Variants in PI4K2B observed in about 807,000 individuals in gnomAD.
PI4K2B encodes phosphatidylinositol 4-kinase type 2 beta.
Under a neutral mutation model 56.6 loss-of-function variants are expected in PI4K2B, and 46 were observed. That is an observed-to-expected ratio of 0.81 (90% confidence interval 0.64 to 1.04). The LOEUF (loss-of-function observed/expected upper bound fraction) is 1.04. PI4K2B is among the 50% of genes least tolerant of loss of function. The probability of loss-of-function intolerance (pLI) is 0.00; values close to 1 mark genes in which losing one functional copy is unlikely to be tolerated. For synonymous variants in PI4K2B, 211 were observed against 223.8 expected (o/e 0.94, Z 0.51); for missense variants, 556 against 607.7 (o/e 0.91, Z 0.89).
intron 1 of PI4K2B, among the ~76,000 whole-genome samples, chr4:25,237,959 G>A (rs185017746): frequency 1.1e-3 from 163 of 152,328 alleles, no homozygotes; most frequent in African/African-American, 3.2e-3. Flanking sequence ...AATCAGGAGC[G>A]CTTAGCTCCT....
chr4:25,278,137 TATTATA>T lies in PI4K2B; in HGVS notation c.*955_*960del, dbSNP rs1717170894. On this transcript the variant is annotated 3_prime_UTR_variant, in exon 10 of 10. Coordinates refer to ENST00000264864, the MANE Select transcript of PI4K2B (RefSeq NM_018323.4). ...CTATTGTACTTGAAATTACAGATGT[TATTATA>T]ATTACAGTCAAATGTAGACTATCAG... The T allele has an allele frequency of 6.6e-6, 1 of 152,214 alleles. No homozygotes were observed. Among genetic ancestry groups the T allele is most frequent in the Non-Finnish European group, 1.5e-5 (1 of 68,014 alleles). The allele number at this position is 152,214 out of a possible 1,614,324, so 9.4% of individuals were successfully genotyped here. A position where few individuals can be genotyped will look rare whatever the true frequency, so the allele number is the denominator to read the frequency against.
chr4:25,238,426 G>T (rs1295732913), intron 1 of PI4K2B, among the ~76,000 whole-genome samples: 3 of 152,172 alleles, frequency 2.0e-5, no homozygotes, highest in Admixed American at 2.0e-4. Context: ...TTAACTACTG[G>T]TGCTATTGTG....
At chr4:25,263,721 T>A (rs1716562696) in intron 6 of PI4K2B, 29 bp from the exon 7 acceptor site, 1 of 813,274 alleles carries the variant, frequency 1.2e-6, no homozygotes, top group Non-Finnish European at 2.1e-6. Context: ...TAGGTTCTTT[T>A]ATCAACATAT....
At position 25,269,140 on chromosome 4, in the gene PI4K2B, A is replaced by G; in HGVS notation, c.1213-4A>G. 1.3e-6 allele frequency: 2 copies of G among 1,543,872 alleles called. No individual in the cohort carries two copies. Among genetic ancestry groups the G allele is most frequent in the Non-Finnish European group, 1.8e-6 (2 of 1,118,098 alleles). ...GGGAATTGTTTTTTTCCTTTCTATA[A>G]TAGACTGACAAAGGATTTGACAAAG... On this transcript the variant is annotated splice_polypyrimidine_tract_variant and splice_region_variant and intron_variant, in intron 8 of 9. Coordinates refer to ENST00000264864, the MANE Select transcript of PI4K2B (RefSeq NM_018323.4).
In PI4K2B at chr4:25,234,265, C is replaced by G; in HGVS notation, c.102C>G (p.Ala34=). 7.0e-7 allele frequency: 1 copy of G among 1,425,482 alleles called. No individual in the cohort carries two copies. The highest frequency in any genetic ancestry group is 9.2e-7 in the Non-Finnish European group (1 of 1,086,390). 88.3% of individuals were successfully genotyped at this position (1,425,482 alleles called of 1,614,324 possible). Residue 34 remains alanine, a synonymous_variant, in exon 1 of 10, where the codon GCC becomes GCG. Coordinates refer to ENST00000264864, the MANE Select transcript of PI4K2B (RefSeq NM_018323.4). The part of the protein sequence containing the change: ...GEREPLLPRI[A]WAHPRRGAPG... ...GGGAGCCGCTGCTACCGCGGATCGC[C>G]TGGGCCCACCCGCGGAGAGGCGCCC...
At chr4:25,265,093 G>A (rs969476546) in intron 7 of PI4K2B, among the ~76,000 whole-genome samples, 1 of 149,150 alleles carries the variant, frequency 6.7e-6, no homozygotes, top group African/African-American at 2.5e-5. Flanking sequence ...TACTCGGGAG[G>A]CCGAGGCAGG....
rs974423725 is a variant in PI4K2B at position 25,256,723 on chromosome 4, TC to T, written c.756+51del. 2.6e-6 allele frequency: 4 copies of T among 1,557,290 alleles called. No individual in the cohort carries two copies. The African/African-American group carries it at 5.5e-5, about 21-fold the overall frequency. ...TTTAGAGGGCATTTGGGCACATACATCCTGAGCTCTAGGAGCCAGGCATTGT... is the reference window on the plus strand; with the variant it reads ...TTTAGAGGGCATTTGGGCACATACATCTGAGCTCTAGGAGCCAGGCATTGT... On this transcript the variant is annotated intron_variant, in intron 4 of 9. Coordinates refer to ENST00000264864, the MANE Select transcript of PI4K2B (RefSeq NM_018323.4).
chr4:25,247,755 G>GT (rs1715853452), intron 1 of PI4K2B, among the ~76,000 whole-genome samples: 1 of 152,112 alleles, frequency 6.6e-6, no homozygotes, highest in Non-Finnish European at 1.5e-5. Context: ...CTCAGGCTGA[G>GT]TGCAGTGGCA....
chr4:25,251,241 G>C (rs554034846), intron 1 of PI4K2B, among the ~76,000 whole-genome samples: 1 of 152,134 alleles, frequency 6.6e-6, no homozygotes, highest in African/African-American at 2.4e-5. Context: ...GCTGGTCGTA[G>C]TATTTTGTGA....
rs750994651 is a variant in PI4K2B, at chr4:25,263,758, A to G, written c.987A>G (p.Lys329=). ...CEKEIDHKES[K]WIDDEEFLIK... is the part of the protein sequence containing the mutation. ...ATTTTTCTACTCTATAGGAATCAAA[A>G]TGGATTGATGATGAAGAATTCCTTA... is the stretch of plus-strand genomic sequence containing the variant. Residue 329 remains lysine (K), a synonymous_variant, in exon 7 of 10, where the codon AAA becomes AAG. Coordinates refer to ENST00000264864, the MANE Select transcript of PI4K2B (RefSeq NM_018323.4). The G allele has an allele frequency of 4.4e-6, 6 of 1,357,302 alleles. No individual in the cohort carries two copies. The African/African-American group carries it at 8.6e-5, about 19-fold the overall frequency. 84.1% of individuals were successfully genotyped at this position (1,357,302 alleles called of 1,614,324 possible). A position where few individuals can be genotyped will look rare whatever the true frequency, so the allele number is the denominator to read the frequency against.
At chr4:25,267,791 G>C (rs959975828) in intron 7 of PI4K2B, 1 of 977,712 alleles carries the variant, frequency 1.0e-6, no homozygotes, top group Admixed American at 6.2e-5. Context: ...TTAGAGTCAT[G>C]GATCTTTTGT....
chr4:25,271,070 C>T (rs568667702), intron 9 of PI4K2B, among the ~76,000 whole-genome samples: 7 of 152,248 alleles, frequency 4.6e-5, no homozygotes, highest in East Asian at 1.9e-4. Context: ...GGCCAGGGCT[C>T]GGTGAAAAGG....
At chr4:25,274,229 T>G (rs1717018310) in intron 9 of PI4K2B, among the ~76,000 whole-genome samples, 1 of 152,166 alleles carries the variant, frequency 6.6e-6, no homozygotes, top group African/African-American at 2.4e-5. Context: ...CACGGAAATT[T>G]AAAGACCAGC....
At chr4:25,254,301 T>C (rs1716173081) in intron 2 of PI4K2B, 1 of 371,416 alleles carries the variant, frequency 2.7e-6, no homozygotes, top group African/African-American at 2.2e-5. Flanking sequence ...TGTACATTAA[T>C]GTGGGGAAAG....
intron 1 of PI4K2B, among the ~76,000 whole-genome samples, chr4:25,243,356 C>G (rs186024881): frequency 6.1e-4 from 93 of 152,340 alleles, no homozygotes; most frequent in African/African-American, 2.2e-3. Flanking sequence ...ATTGGACAAT[C>G]TTTTTTAAAG....
chr4:25,255,015 TTATC>T (rs755885048), intron 2 of PI4K2B, 46 bp from the exon 3 acceptor site: 1 of 1,213,666 alleles, frequency 8.2e-7, no homozygotes, highest in South Asian at 1.3e-5. Flanking sequence ...TTATGGATGA[TTATC>T]TATATATGTA....
At chr4:25,248,687 GTTTT>G (rs1409176176) in intron 1 of PI4K2B, among the ~76,000 whole-genome samples, 1 of 151,520 alleles carries the variant, frequency 6.6e-6, no homozygotes, top group Non-Finnish European at 1.5e-5. Flanking sequence ...TCTGTTTTGA[GTTTT>G]TTTGTTATTA....
At chr4:25,238,797 G>A (rs1260892575) in intron 1 of PI4K2B, among the ~76,000 whole-genome samples, 5 of 152,144 alleles carry the variant, frequency 3.3e-5, no homozygotes, top group Admixed American at 6.6e-5. Context: ...TTATTGCAAA[G>A]AGCGAAAGAA....
chr4:25,240,756 T>A (rs1715482037), intron 1 of PI4K2B, among the ~76,000 whole-genome samples: 1 of 152,186 alleles, frequency 6.6e-6, no homozygotes, highest in African/African-American at 2.4e-5. Flanking sequence ...TTCTCTTTGA[T>A]TTCTTTGTCT....
Sources: gnomAD v4.1 joint callset for allele counts (sites outside exome capture counted in the v4.1 genomes callset) on GRCh38, gnomAD v4.1.1 for gene constraint, MANE v1.5 for transcripts, NCBI Gene and HGNC (gene_info 2026-07-23, HGNC 2026-07-21) for gene names.